The following GLOD4 variants were observed in gnomAD, a reference collection of about 807,000 sequenced individuals.
GLOD4 encodes the protein glyoxalase domain-containing protein 4.
Under a neutral mutation model 39.1 loss-of-function variants are expected in GLOD4, and 44 were observed. That is an observed-to-expected ratio of 1.13 (90% CI 0.88 to 1.45). GLOD4 has a LOEUF of 1.45. Among genes scored for constraint, GLOD4 ranks in the 40% most tolerant of loss-of-function variants. The pLI is 0.00. For missense variants in GLOD4, 405 were observed against 366.4 expected (o/e 1.11, Z -0.86); for synonymous variants, 145 against 135.0 (o/e 1.07, Z -0.52).
intron 1 of GLOD4, 189 bp downstream of exon 1, chr17:781,977 C>T (rs1166279738): frequency 1.5e-5 from 9 of 585,308 alleles, no homozygotes; most frequent in Non-Finnish European, 2.4e-5. Context: ...GTGTTAGGCC[C>T]TTCTCCAAGG....
chr17:782,553 C>T, upstream of GLOD4: 1 of 1,614,028 alleles, frequency 6.2e-7, no homozygotes, highest in Non-Finnish European at 8.5e-7. Flanking sequence ...GAAGCAGCCC[C>T]GCAAGGCACC....
chr17:783,484 C>A (rs1910345170), upstream of GLOD4: 5 of 654,346 alleles, frequency 7.6e-6, no homozygotes, highest in Non-Finnish European at 1.2e-5. Context: ...TTACAGGCGT[C>A]TGCCACCATG....
chr17:760,283 A>T (rs1302609718), intron 8 of GLOD4, 45 bp from the exon 9 acceptor site: 1 of 1,052,388 alleles, frequency 9.5e-7, no homozygotes, highest in Non-Finnish European at 1.5e-6. Context: ...AGCCTGAAAA[A>T]CAAAAGACAT....
chr17:780,048 C>T (rs1419184397), intron 1 of GLOD4, among the ~76,000 whole-genome samples: 1 of 152,112 alleles, frequency 6.6e-6, no homozygotes, highest in Non-Finnish European at 1.5e-5. Context: ...CCTGTAGTAC[C>T]AGCTACTCGG....
At chr17:771,982 T>C (rs1597582989) in intron 4 of GLOD4, among the ~76,000 whole-genome samples, 1 of 133,096 alleles carries the variant, frequency 7.5e-6, no homozygotes, top group African/African-American at 3.0e-5. Flanking sequence ...CGTTGCACTC[T>C]AGCCTGGGAG....
intron 8 of GLOD4, among the ~76,000 whole-genome samples, chr17:761,671 ATTT>A (rs936810817): frequency 6.6e-6 from 1 of 152,052 alleles, no homozygotes; most frequent in Non-Finnish European, 1.5e-5. Context: ...TGCCTGGCTA[ATTT>A]TTTGTGTTTA....
At chr17:779,328 A>AAAT in intron 1 of GLOD4, among the ~76,000 whole-genome samples, 1 of 146,544 alleles carries the variant, frequency 6.8e-6, no homozygotes, top group Non-Finnish European at 1.5e-5. Flanking sequence ...TTAAAAAAAA[A>AAAT]AAAAAAAAAA....
intron 4 of GLOD4, among the ~76,000 whole-genome samples, chr17:773,320 A>G (rs1196084945): frequency 1.3e-5 from 2 of 152,254 alleles, no homozygotes; most frequent in African/African-American, 4.8e-5. Context: ...TTAGAACAAT[A>G]AAACACTAGG....
chr17:775,275 A>C (rs1272689576), intron 4 of GLOD4, among the ~76,000 whole-genome samples: 2 of 151,866 alleles, frequency 1.3e-5, no homozygotes, highest in Non-Finnish European at 2.9e-5. Flanking sequence ...AAAAAAAGCA[A>C]AAAGAAGTCA....
rs143636205 is a variant in GLOD4, at chr17:763,875, C to G, written c.832-3637G>C. 88 of 152,270 alleles carry G rather than the reference C, an allele frequency of 5.8e-4. 2 individuals carry two copies. Among genetic ancestry groups the G allele is most frequent in the African/African-American group, 1.9e-3 (79 of 41,540 alleles). 9.4% of individuals were successfully genotyped at this position (152,270 alleles called of 1,614,324 possible). A position where few individuals can be genotyped will look rare whatever the true frequency, so the allele number is the denominator to read the frequency against. On this transcript the variant is annotated intron_variant, in intron 8 of 8. Coordinates refer to ENST00000301329, the MANE Select transcript of GLOD4 (RefSeq NM_016080.4). ...GAGAAAAAGTTCATAAGCTGGACTT[C>G]ACCAAAATAAAAAATTCCTCATCTT...
chr17:769,874 C>A lies in GLOD4; in HGVS notation c.826G>T (p.Asp276Tyr). The change falls in exon 8 of 9, where the codon GAT becomes TAT. Residue 276 changes from aspartate to tyrosine, a missense_variant. Physicochemically the swap from Asp to Tyr is radical, Grantham distance 160. Coordinates refer to ENST00000301329, the MANE Select transcript of GLOD4 (RefSeq NM_016080.4). ...AATGTAGAAATGGGACTCACATCAT[C>A]CAACAATTTGCTTCCCTCTGGATCC... is the stretch of plus-strand genomic sequence containing the variant. The part of the protein sequence containing the change: ...KMDPEGSKLL[D>Y]DAMAADKSDE... 1 of 1,573,116 alleles carries A rather than the reference C, an allele frequency of 6.4e-7. No individual in the cohort carries two copies. The highest frequency in any genetic ancestry group is 8.8e-7 in the Non-Finnish European group (1 of 1,142,610).
At chr17:778,648 G>A in intron 2 of GLOD4, 47 bp downstream of exon 2, 5 of 1,040,368 alleles carry the variant, frequency 4.8e-6, no homozygotes, top group Admixed American at 1.7e-5. Context: ...CTGTTATCCG[G>A]GTGTAGTCAG....
chr17:778,015 C>T (rs1039323885), intron 2 of GLOD4, among the ~76,000 whole-genome samples: 1 of 152,174 alleles, frequency 6.6e-6, no homozygotes, highest in Non-Finnish European at 1.5e-5. Flanking sequence ...TTCTGGGATG[C>T]TGAACGTAGG....
intron 8 of GLOD4, among the ~76,000 whole-genome samples, chr17:766,224 G>A (rs975556993): frequency 2.0e-5 from 3 of 151,964 alleles, no homozygotes; most frequent in African/African-American, 4.8e-5. Flanking sequence ...CTGGAACATA[G>A]GAGGCGGAGG....
intron 2 of GLOD4, chr17:777,435 A>C (rs1162581419): frequency 6.2e-6 from 1 of 162,000 alleles, no homozygotes; most frequent in Non-Finnish European, 1.4e-5. Flanking sequence ...TGAGGTCAGG[A>C]GTTCGAGACC....
upstream of GLOD4, chr17:782,505 C>T (rs771346007): frequency 2.5e-6 from 4 of 1,613,354 alleles, no homozygotes; most frequent in Non-Finnish European, 3.4e-6. Context: ...AGTGGTGTTT[C>T]CTTCCGGAGA....
intron 8 of GLOD4, among the ~76,000 whole-genome samples, chr17:760,830 A>G (rs1470555326): frequency 1.3e-5 from 2 of 152,246 alleles, no homozygotes; most frequent in African/African-American, 4.8e-5. Context: ...GGTCACACCT[A>G]TAGTCACAGC....
intron 8 of GLOD4, among the ~76,000 whole-genome samples, chr17:769,551 G>A (rs1333819949): frequency 2.7e-5 from 4 of 148,042 alleles, no homozygotes; most frequent in South Asian, 2.2e-4. Context: ...TGAGGGGGTC[G>A]GATGGAGGCA....
rs542245318 is a variant in GLOD4 at position 769,892 on chromosome 17, C to G, written c.808G>C (p.Glu270Gln). The change falls in exon 8 of 9, where the codon GAG becomes CAG. Residue 270 changes from glutamate to glutamine, a missense_variant. Physicochemically the swap from Glu to Gln is conservative, Grantham distance 29. Coordinates refer to ENST00000301329, the MANE Select transcript of GLOD4 (RefSeq NM_016080.4). The part of the protein sequence containing the change: ...AFRELSKMDP[E>Q]GSKLLDDAMA... ...ACATCATCCAACAATTTGCTTCCCT[C>G]TGGATCCATCTTAGAAAGTTCTCGA... The G allele has an allele frequency of 1.2e-6, 2 of 1,604,508 alleles. No homozygotes were observed. Among genetic ancestry groups the G allele is most frequent in the East Asian group, 2.2e-5 (1 of 44,842 alleles).
Sources: allele counts gnomAD v4.1 joint callset (sites outside exome capture counted in the v4.1 genomes callset), GRCh38; gene constraint gnomAD v4.1.1; transcripts MANE v1.5; gene names NCBI Gene and HGNC (gene_info 2026-07-23, HGNC 2026-07-21).